FBN1: variants seen among roughly 807,000 people sequenced by gnomAD.
FBN1 encodes the protein fibrillin 1.
FBN1 carries 29 observed loss-of-function variants against 365.1 expected under a neutral mutation model. That is an observed-to-expected ratio of 0.08 (90% CI 0.06 to 0.11). The LOEUF (loss-of-function observed/expected upper bound fraction) is 0.11, where lower values mean the gene tolerates loss of function less well. FBN1 is among the 10% of genes least tolerant of loss of function. The pLI is 1.00. For synonymous variants in FBN1, 1,210 were observed against 1,270.5 expected (o/e 0.95, Z 1.01); for missense variants, 2,476 against 3,703.2 (o/e 0.67, Z 8.60).
chr15:48,438,054 A>G (rs907425422), intron 50 of FBN1, 137 bp from the exon 51 acceptor site: 2 of 896,020 alleles, frequency 2.2e-6, no homozygotes, highest in Non-Finnish European at 3.7e-6. Context: ...CGTGATTCTA[A>G]TGGTAACTGA....
At chr15:48,606,893 G>A (rs372117702) in intron 4 of FBN1, among the ~76,000 whole-genome samples, 2 of 152,138 alleles carry the variant, frequency 1.3e-5, no homozygotes, top group Non-Finnish European at 2.9e-5. Flanking sequence ...CCTCATAAAT[G>A]GATTTATGCC....
chr15:48,430,842 G>T (rs769710337), intron 55 of FBN1, 40 bp from the exon 56 acceptor site: 1 of 1,601,610 alleles, frequency 6.2e-7, no homozygotes, highest in Non-Finnish European at 8.5e-7. Context: ...CAAAGAAAAT[G>T]CATATATCTG....
chr15:48,484,136 A>T (rs1188236920), intron 30 of FBN1, among the ~76,000 whole-genome samples, 193 bp from the exon 31 acceptor site: 2 of 152,220 alleles, frequency 1.3e-5, no homozygotes, highest in African/African-American at 4.8e-5. Flanking sequence ...ATATTTTTCA[A>T]TATTTATAAT....
intron 2 of FBN1, among the ~76,000 whole-genome samples, chr15:48,636,336 G>T (rs112571173): frequency 5.1e-4 from 77 of 152,258 alleles, no homozygotes; most frequent in African/African-American, 1.8e-3. Flanking sequence ...AATCAAGGAA[G>T]CCAGGCAATG....
At chr15:48,582,757 G>C (rs1317982306) in intron 6 of FBN1, among the ~76,000 whole-genome samples, 1 of 152,188 alleles carries the variant, frequency 6.6e-6, no homozygotes, top group Non-Finnish European at 1.5e-5. Context: ...GGACACTTGA[G>C]TTCCAGTTCA....
intron 58 of FBN1, 69 bp from the exon 59 acceptor site, chr15:48,425,933 C>G: frequency 1.6e-6 from 2 of 1,255,634 alleles, no homozygotes; most frequent in Non-Finnish European, 2.3e-6. Flanking sequence ...TAGGGGGTCA[C>G]TTCAGTGTAA....
chr15:48,420,375 CCT>C (rs1475302778), intron 63 of FBN1, among the ~76,000 whole-genome samples: 3 of 152,234 alleles, frequency 2.0e-5, no homozygotes, highest in Admixed American at 6.5e-5. Flanking sequence ...TTTTTTGACC[CCT>C]GATATGAACA....
At chr15:48,628,835 A>G (rs1215942216) in intron 2 of FBN1, among the ~76,000 whole-genome samples, 2 of 152,236 alleles carry the variant, frequency 1.3e-5, no homozygotes, top group African/African-American at 4.8e-5. Flanking sequence ...AATGCTAATA[A>G]CACAAAAAGA....
intron 16 of FBN1, among the ~76,000 whole-genome samples, chr15:48,504,536 C>T (rs1488940772): frequency 1.3e-5 from 2 of 152,192 alleles, no homozygotes; most frequent in Non-Finnish European, 2.9e-5. Context: ...TACTGAGTAC[C>T]TTTCTTAAAA....
intron 2 of FBN1, among the ~76,000 whole-genome samples, chr15:48,632,578 T>C (rs1038594286): frequency 6.6e-6 from 1 of 152,210 alleles, no homozygotes; most frequent in Non-Finnish European, 1.5e-5. Context: ...ACCCAAAGCA[T>C]GTCTATTTCC....
intron 15 of FBN1, among the ~76,000 whole-genome samples, chr15:48,507,331 C>T (rs185943852): frequency 6.6e-6 from 1 of 152,174 alleles, no homozygotes; most frequent in Admixed American, 6.5e-5. Context: ...TAAATTTGCA[C>T]AATTTGGCAC....
chr15:48,527,172 T>C (rs1222841715), intron 8 of FBN1, among the ~76,000 whole-genome samples: 1 of 152,208 alleles, frequency 6.6e-6, no homozygotes, highest in Non-Finnish European at 1.5e-5. Context: ...CCCAAGGACA[T>C]CCTCTAATAA....
intron 57 of FBN1, chr15:48,428,128 A>C (rs559618041): frequency 1.5e-6 from 1 of 665,424 alleles, no homozygotes; most frequent in Admixed American, 2.6e-5. Context: ...AATTCCAAAC[A>C]AGTGATTCAG....
intron 6 of FBN1, among the ~76,000 whole-genome samples, chr15:48,579,847 AG>A (rs763386372): frequency 1.1e-3 from 171 of 152,340 alleles, no homozygotes; most frequent in Non-Finnish European, 2.2e-3. Flanking sequence ...TAGGGTCCAC[AG>A]CTTTTTAGCA....
chr15:48,447,237 A>G (rs1455888987), intron 46 of FBN1, among the ~76,000 whole-genome samples: 1 of 152,178 alleles, frequency 6.6e-6, no homozygotes, highest in Non-Finnish European at 1.5e-5. Flanking sequence ...CCAGTTTACC[A>G]AAAAGCAGTG....
chr15:48,489,414 T>G (rs2043537173), intron 25 of FBN1, among the ~76,000 whole-genome samples: 1 of 152,050 alleles, frequency 6.6e-6, no homozygotes, highest in African/African-American at 2.4e-5. Context: ...ATGTAACATG[T>G]GACCTGAGTT....
chr15:48,436,788 G>C (rs28730788), intron 53 of FBN1, among the ~76,000 whole-genome samples, 173 bp downstream of exon 53: 191 of 152,322 alleles, frequency 1.3e-3, no homozygotes, highest in African/African-American at 4.5e-3. Flanking sequence ...GCCTAGCACA[G>C]TGCCTGGGAC....
At chr15:48,469,529 A>T (rs895027153) in intron 36 of FBN1, among the ~76,000 whole-genome samples, 1 of 152,036 alleles carries the variant, frequency 6.6e-6, no homozygotes, top group Non-Finnish European at 1.5e-5. Flanking sequence ...TGTTTTGAAC[A>T]CTCATGAAAT....
chr15:48,530,587 A>G (rs1184944112), intron 8 of FBN1, among the ~76,000 whole-genome samples: 1 of 144,808 alleles, frequency 6.9e-6, no homozygotes, highest in Non-Finnish European at 1.5e-5. Flanking sequence ...CTAATTGTAT[A>G]GAGAGAGCCA....
Sources: gnomAD v4.1 joint callset for allele counts (sites outside exome capture counted in the v4.1 genomes callset) on GRCh38, gnomAD v4.1.1 for gene constraint, MANE v1.5 for transcripts, NCBI Gene and HGNC (gene_info 2026-07-23, HGNC 2026-07-21) for gene names.